The following LOXL2 variants were observed in gnomAD, a reference collection of about 807,000 sequenced individuals.
The protein encoded by LOXL2 is lysyl oxidase like 2.
LOXL2 carries 70 observed loss-of-function variants against 93.0 expected under a neutral mutation model. The observed-to-expected ratio is 0.75, with a 90% CI of 0.62 to 0.92. LOXL2 has a LOEUF of 0.92. LOXL2 is among the 40% of genes least tolerant of loss of function. The pLI is 0.00. For missense variants in LOXL2, 973 were observed against 1,054.9 expected (o/e 0.92, Z 1.08); for synonymous variants, 438 against 413.2 (o/e 1.06, Z -0.73).
intron 3 of LOXL2, among the ~76,000 whole-genome samples, chr8:23,346,611 C>T (rs1051311941): frequency 4.6e-5 from 7 of 152,152 alleles, no homozygotes; most frequent in East Asian, 1.9e-4. Flanking sequence ...CTGGGGCTGT[C>T]GCCAATGAGG....
chr8:23,370,519 A>G (rs1049633894), intron 1 of LOXL2: 5 of 152,262 alleles, frequency 3.3e-5, no homozygotes, highest in African/African-American at 1.2e-4. Context: ...GCCAAGAACA[A>G]CTAGAAAAGG....
chr8:23,360,738 G>GTGATGATGA (rs1183523293), intron 2 of LOXL2, among the ~76,000 whole-genome samples: 3 of 152,126 alleles, frequency 2.0e-5, no homozygotes, highest in Non-Finnish European at 2.9e-5. Flanking sequence ...ACTAAAAATA[G>GTGATGATGA]TGATGATGAT....
chr8:23,368,395 C>T lies in LOXL2; in HGVS notation c.-44G>A. 2 of 1,545,950 alleles carry T rather than the reference C, an allele frequency of 1.3e-6. No homozygotes were observed. Among genetic ancestry groups the T allele is most frequent in the Non-Finnish European group, 1.8e-6 (2 of 1,127,394 alleles). On this transcript the variant is annotated 5_prime_UTR_variant, in exon 2 of 14. Coordinates refer to ENST00000389131, the MANE Select transcript of LOXL2 (RefSeq NM_002318.3). Reference sequence around the variant, plus strand: ...GATCCCACGAAGGGGCCCTGCGCAGCTGGGAGGGACAGGCGGGGTACAGAA... The same window carrying T: ...GATCCCACGAAGGGGCCCTGCGCAGTTGGGAGGGACAGGCGGGGTACAGAA...
At chr8:23,331,180 G>A (rs1470816829) in intron 5 of LOXL2, among the ~76,000 whole-genome samples, 2 of 152,150 alleles carry the variant, frequency 1.3e-5, no homozygotes, top group African/African-American at 4.8e-5. Context: ...ACAAAGAGGG[G>A]AGACCGGGGA....
At chr8:23,349,497 T>G (rs1251806526) in intron 3 of LOXL2, among the ~76,000 whole-genome samples, 1 of 152,176 alleles carries the variant, frequency 6.6e-6, no homozygotes, top group Non-Finnish European at 1.5e-5. Flanking sequence ...CTCGCTGTCA[T>G]GTGGTCCCTA....
At chr8:23,298,772 T>C (rs1803079286) in intron 13 of LOXL2, 64 bp downstream of exon 13, 12 of 995,856 alleles carry the variant, frequency 1.2e-5, no homozygotes, top group Non-Finnish European at 1.6e-5. Flanking sequence ...AAGCTGCCTC[T>C]GGGTCCTTGA....
At chr8:23,353,778 A>C (rs749821168) in intron 3 of LOXL2, among the ~76,000 whole-genome samples, 8 of 152,214 alleles carry the variant, frequency 5.3e-5, no homozygotes, top group Non-Finnish European at 1.0e-4. Context: ...TACCTTGTAA[A>C]TGATGAATGC....
chr8:23,378,205 G>A (rs1219234548), intron 1 of LOXL2, among the ~76,000 whole-genome samples: 1 of 152,120 alleles, frequency 6.6e-6, no homozygotes, highest in Non-Finnish European at 1.5e-5. Context: ...ATGAAGCTTA[G>A]TTTGGCTGGA....
At chr8:23,346,948 A>G (rs7013339) in intron 3 of LOXL2, among the ~76,000 whole-genome samples, 61,573 of 151,650 alleles carry the variant, frequency 0.41, 13,313 homozygotes, top group African/African-American at 0.57. Context: ...CTCACCTCGC[A>G]TGCAGCCTCC....
intron 3 of LOXL2, among the ~76,000 whole-genome samples, chr8:23,351,822 A>G (rs10096530): frequency 6.6e-6 from 1 of 151,960 alleles, no homozygotes; most frequent in African/African-American, 2.4e-5. Context: ...AGAATCGCGG[A>G]ATGTGAGGGC....
At chr8:23,371,434 G>A (rs537679192) in intron 1 of LOXL2, among the ~76,000 whole-genome samples, 1 of 152,138 alleles carries the variant, frequency 6.6e-6, no homozygotes, top group South Asian at 2.1e-4. Flanking sequence ...GTCCTGTGGG[G>A]TTTAAAATAC....
intron 1 of LOXL2, among the ~76,000 whole-genome samples, chr8:23,369,251 G>T (rs931400722): frequency 6.6e-6 from 1 of 152,186 alleles, no homozygotes; most frequent in East Asian, 1.9e-4. Context: ...CAAGGTCCTG[G>T]TCATCGTATC....
chr8:23,400,516 T>C (rs1022886493), intron 1 of LOXL2, among the ~76,000 whole-genome samples: 1 of 152,206 alleles, frequency 6.6e-6, no homozygotes, highest in Admixed American at 6.5e-5. Context: ...ACAATGAGAT[T>C]TGGGTGGGGA....
chr8:23,328,455 C>T lies in LOXL2; in HGVS notation c.1077G>A (p.Ser359=), dbSNP rs367771495. 29 of 1,613,998 alleles carry T rather than the reference C, an allele frequency of 1.8e-5. No homozygotes were observed. Among genetic ancestry groups the T allele is most frequent in the South Asian group, 8.8e-5 (8 of 91,084 alleles). ...CCAGCTCTCTGCAGACCACACTGGCCGACACCAGGTCCCACTTGTCGTCGC... is the reference window on the plus strand; with the variant it reads ...CCAGCTCTCTGCAGACCACACTGGCTGACACCAGGTCCCACTTGTCGTCGC... ...TVCDDKWDLV[S]ASVVCRELGF... The change falls in exon 6 of 14, where the codon TCG becomes TCA. Residue 359 remains serine, a synonymous_variant. Coordinates refer to ENST00000389131, the MANE Select transcript of LOXL2 (RefSeq NM_002318.3).
chr8:23,346,046 C>T (rs1003231571), intron 3 of LOXL2, among the ~76,000 whole-genome samples: 9 of 144,962 alleles, frequency 6.2e-5, no homozygotes, highest in African/African-American at 1.3e-4. Flanking sequence ...CTAGCCTGGG[C>T]GACAGAGCGA....
intron 1 of LOXL2, among the ~76,000 whole-genome samples, chr8:23,389,507 T>C (rs750096015): frequency 2.0e-5 from 3 of 152,202 alleles, no homozygotes; most frequent in Non-Finnish European, 4.4e-5. Flanking sequence ...CAATGACACT[T>C]GACCTTGTGG....
chr8:23,400,856 T>C (rs568531662), intron 1 of LOXL2, among the ~76,000 whole-genome samples: 45 of 152,316 alleles, frequency 3.0e-4, no homozygotes, highest in African/African-American at 8.4e-4. Context: ...CTCTGAGCCC[T>C]TACAGTTTTG....
intron 3 of LOXL2, among the ~76,000 whole-genome samples, chr8:23,352,071 C>T (rs6992275): frequency 0.3 from 45,599 of 152,054 alleles, 8,783 homozygotes; most frequent in African/African-American, 0.54. Context: ...ACCTTGGCCT[C>T]CCAAAGTACT....
In LOXL2 at chr8:23,360,195, G is replaced by A; in HGVS notation, c.426C>T (p.Gly142=). Residue 142 remains glycine, a synonymous_variant, in exon 3 of 14, where the codon GGC becomes GGT. Transcript: ENST00000389131. ...EATLAACTSN[G]WGVTDCKHTE... is the part of the protein sequence containing the mutation. Reference sequence around the variant, plus strand: ...TGTGCTTGCAGTCAGTGACGCCCCAGCCATTGGAGGTGCATGCTGCAAGGG... The same window carrying A: ...TGTGCTTGCAGTCAGTGACGCCCCAACCATTGGAGGTGCATGCTGCAAGGG... 1 of 1,614,096 alleles carries A rather than the reference G, an allele frequency of 6.2e-7. No homozygotes were observed. Among genetic ancestry groups the A allele is most frequent in the South Asian group, 1.1e-5 (1 of 91,080 alleles).
Sources: gnomAD v4.1 joint callset for allele counts (sites outside exome capture counted in the v4.1 genomes callset) on GRCh38, gnomAD v4.1.1 for gene constraint, MANE v1.5 for transcripts, NCBI Gene and HGNC (gene_info 2026-07-23, HGNC 2026-07-21) for gene names.